The following MAP3K20 variants were observed in gnomAD, a reference collection of about 807,000 sequenced individuals.
MAP3K20 encodes mitogen-activated protein kinase kinase kinase 20, also known as HCCS-4.
A neutral mutation model predicts 85.7 loss-of-function variants in MAP3K20; 40 were observed. The ratio of observed to expected loss-of-function variants is 0.47; its 90% confidence interval spans 0.36 to 0.61. The LOEUF is 0.61. Ranked by LOEUF, MAP3K20 falls within the 20% of genes least tolerant of loss-of-function variation. MAP3K20 has a pLI of 0.00. For synonymous variants in MAP3K20, 325 were observed against 327.7 expected (o/e 0.99, Z 0.09); for missense variants, 817 against 961.7 (o/e 0.85, Z 1.99).
intron 15 of MAP3K20, among the ~76,000 whole-genome samples, chr2:173,238,649 A>G (rs1042616083): frequency 6.6e-6 from 1 of 152,210 alleles, no homozygotes; most frequent in African/African-American, 2.4e-5. Flanking sequence ...GTTCATGATA[A>G]GAACAACACA....
At chr2:173,102,278 C>A (rs549122705) in intron 2 of MAP3K20, among the ~76,000 whole-genome samples, 2 of 152,290 alleles carry the variant, frequency 1.3e-5, no homozygotes, top group Non-Finnish European at 2.9e-5. Flanking sequence ...GCTTGCCATT[C>A]CTACCCTACT....
chr2:173,223,218 A>T, intron 11 of MAP3K20: 2 of 985,432 alleles, frequency 2.0e-6, no homozygotes, highest in Non-Finnish European at 2.4e-6. Flanking sequence ...TCTAGGTGGC[A>T]TAGTGATGAA....
intron 1 of MAP3K20, 175 bp from the exon 2 acceptor site, chr2:173,090,823 C>T: frequency 4.8e-6 from 6 of 1,253,764 alleles, no homozygotes; most frequent in Non-Finnish European, 6.0e-6. Flanking sequence ...TTTGCGTGGG[C>T]TGCCAGGGTG....
intron 16 of MAP3K20, among the ~76,000 whole-genome samples, chr2:173,243,142 A>G (rs1299631783): frequency 6.6e-6 from 1 of 152,340 alleles, no homozygotes; most frequent in South Asian, 2.1e-4. Flanking sequence ...ACAGCTTATC[A>G]TAAGCAATAG....
In MAP3K20 at chr2:173,187,563, C is replaced by A; in HGVS notation, c.355C>A (p.His119Asn). 1 of 1,601,922 alleles carries A rather than the reference C, an allele frequency of 6.2e-7. No individual in the cohort carries two copies. Among genetic ancestry groups the A allele is most frequent in the Non-Finnish European group, 8.5e-7 (1 of 1,175,712 alleles). The change falls in exon 5 of 20, where the codon CAT (histidine) becomes AAT (asparagine). Residue 119 changes from histidine (H) to asparagine (N), a missense_variant. Coordinates refer to ENST00000375213, the MANE Select transcript of MAP3K20 (RefSeq NM_016653.3). Reference protein sequence around the residue: ...TWATDVAKGMHYLHMEAPVKV... With the variant: ...TWATDVAKGMNYLHMEAPVKV... Reference sequence around the variant, plus strand: ...ATTTCTTCTTGTGTGAAAAGGAATGCATTATTTACATATGGAGGCTCCTGT... The same window carrying A: ...ATTTCTTCTTGTGTGAAAAGGAATGAATTATTTACATATGGAGGCTCCTGT...
intron 2 of MAP3K20, among the ~76,000 whole-genome samples, chr2:173,142,338 G>C (rs1289537838): frequency 6.6e-6 from 1 of 152,096 alleles, no homozygotes; most frequent in Non-Finnish European, 1.5e-5. Flanking sequence ...CCGGCGTGGT[G>C]GTGGGTGCCT....
intron 2 of MAP3K20, among the ~76,000 whole-genome samples, chr2:173,103,887 C>G (rs1185091415): frequency 3.9e-5 from 6 of 152,200 alleles, no homozygotes. Context: ...TGAACAGATT[C>G]TGAGGTAACT....
rs1390018454 is a variant in MAP3K20, at chr2:173,218,937, G to A, written c.987+1687G>A. On this transcript the variant is annotated intron_variant, in intron 11 of 19. Transcript: ENST00000375213. Reference sequence around the variant, plus strand: ...CCACAAAACTTTCTGTGAAGGAACTGCTCTGAGGGCTACCGTCTAACAATG... The same window carrying A: ...CCACAAAACTTTCTGTGAAGGAACTACTCTGAGGGCTACCGTCTAACAATG... Among the ~76,000 whole-genome samples, 4 of 152,242 alleles carry A rather than the reference G, an allele frequency of 2.6e-5. No homozygotes were observed. The East Asian group carries it at 7.7e-4, about 29-fold the overall frequency.
chr2:173,173,244 TGAAG>T (rs1690060136), intron 3 of MAP3K20, among the ~76,000 whole-genome samples: 1 of 149,402 alleles, frequency 6.7e-6, no homozygotes, highest in African/African-American at 2.5e-5. Flanking sequence ...TCCTGGGAGA[TGAAG>T]GAAGGAGTTG....
intron 3 of MAP3K20, among the ~76,000 whole-genome samples, chr2:173,177,050 C>G (rs1690180725): frequency 6.6e-6 from 1 of 152,066 alleles, no homozygotes; most frequent in Non-Finnish European, 1.5e-5. Flanking sequence ...GTATGTGAAG[C>G]AAAACTAACT....
chr2:173,225,830 AG>A, intron 11 of MAP3K20: 1 of 985,186 alleles, frequency 1.0e-6, no homozygotes, highest in Non-Finnish European at 1.2e-6. Context: ...CTTTCTCCTT[AG>A]AAATGCTGGT....
intron 16 of MAP3K20, among the ~76,000 whole-genome samples, chr2:173,249,729 C>T (rs980589823): frequency 6.6e-6 from 1 of 152,176 alleles, no homozygotes; most frequent in African/African-American, 2.4e-5. Flanking sequence ...AAATCAATAG[C>T]AAGACTTACT....
chr2:173,096,842 A>G (rs2106155244), intron 2 of MAP3K20, among the ~76,000 whole-genome samples: 1 of 152,330 alleles, frequency 6.6e-6, no homozygotes, highest in South Asian at 2.1e-4. Context: ...AGTGTTTGCA[A>G]TAGGAGAAAA....
chr2:173,257,436 G>A (rs186857617), intron 16 of MAP3K20, among the ~76,000 whole-genome samples: 1 of 152,162 alleles, frequency 6.6e-6, no homozygotes, highest in East Asian at 1.9e-4. Context: ...CTTTTTTTCT[G>A]TGTGGTTCTT....
chr2:173,114,752 T>C (rs1200860453), intron 2 of MAP3K20, among the ~76,000 whole-genome samples: 2 of 152,212 alleles, frequency 1.3e-5, no homozygotes, highest in Non-Finnish European at 2.9e-5. Context: ...TTCTAGCTTG[T>C]AGGGTTTCTG....
At chr2:173,157,811 T>C (rs1689521723) in intron 2 of MAP3K20, among the ~76,000 whole-genome samples, 1 of 152,232 alleles carries the variant, frequency 6.6e-6, no homozygotes, top group South Asian at 2.1e-4. Context: ...TTGACCTGAT[T>C]CTGCACAGTT....
At position 173,192,471 on chromosome 2, in the gene MAP3K20, C is replaced by G. The variant is rs143536511; in HGVS notation, c.582+1294C>G. On this transcript the variant is annotated intron_variant, in intron 7 of 19. Transcript: ENST00000375213. ...GACCGAAGGCTAGAATTTTAAAGGTCAGAAGGCAAGAGTAACATCAGGCTT... is the reference window on the plus strand; with the variant it reads ...GACCGAAGGCTAGAATTTTAAAGGTGAGAAGGCAAGAGTAACATCAGGCTT... Among the ~76,000 whole-genome samples the G allele has an allele frequency of 5.2e-3, 783 of 152,026 alleles. 6 individuals carry two copies. Among genetic ancestry groups the G allele is most frequent in the African/African-American group, 0.017 (687 of 41,440 alleles).
chr2:173,182,250 A>G (rs182410954), intron 3 of MAP3K20, among the ~76,000 whole-genome samples: 1 of 152,342 alleles, frequency 6.6e-6, no homozygotes, highest in Admixed American at 6.5e-5. Flanking sequence ...CTGGCACAAG[A>G]GAACTATTTG....
At chr2:173,183,461 C>T (rs2106266202) in intron 4 of MAP3K20, among the ~76,000 whole-genome samples, 1 of 152,312 alleles carries the variant, frequency 6.6e-6, no homozygotes, top group South Asian at 2.1e-4. Flanking sequence ...TTAATGTAAA[C>T]TTACTTAGGC....
Sources: allele counts gnomAD v4.1 joint callset (sites outside exome capture counted in the v4.1 genomes callset), GRCh38; gene constraint gnomAD v4.1.1; transcripts MANE v1.5; gene names NCBI Gene and HGNC (gene_info 2026-07-23, HGNC 2026-07-21).